The following SYNDIG1 variants were observed in gnomAD, a reference collection of about 807,000 sequenced individuals.
SYNDIG1 encodes synapse differentiation inducing 1, also known as synapse differentiation-inducing gene protein 1.
SYNDIG1 carries 9 observed loss-of-function variants against 19.4 expected under a neutral mutation model. The observed-to-expected ratio is 0.46, with a 90% CI of 0.28 to 0.81. The LOEUF (loss-of-function observed/expected upper bound fraction) is 0.81, where lower values mean the gene tolerates loss of function less well. Among genes scored for constraint, SYNDIG1 ranks in the 30% least tolerant of loss-of-function variants. The pLI, the probability that SYNDIG1 is intolerant of heterozygous loss-of-function variation, is 0.12. For missense variants in SYNDIG1, 311 were observed against 343.3 expected (o/e 0.91, Z 0.74); for synonymous variants, 141 against 145.9 (o/e 0.97, Z 0.24).
intron 1 of SYNDIG1, among the ~76,000 whole-genome samples, chr20:24,528,003 C>T (rs1164921925): frequency 2.0e-5 from 3 of 152,178 alleles, no homozygotes; most frequent in African/African-American, 7.2e-5. Context: ...ATTACTGTTA[C>T]TGTTGATGCC....
chr20:24,474,297 A>G (rs1280517292), intron 1 of SYNDIG1, among the ~76,000 whole-genome samples: 3 of 152,226 alleles, frequency 2.0e-5, no homozygotes, highest in Admixed American at 6.5e-5. Flanking sequence ...ACTGTAAATC[A>G]TCTTAAACTA....
chr20:24,503,863 G>A lies in SYNDIG1; in HGVS notation c.-79+34110G>A, dbSNP rs1239341696. Among the ~76,000 whole-genome samples the A allele has an allele frequency of 2.6e-5, 4 of 151,878 alleles. No homozygotes were observed. In the East Asian group the frequency reaches 5.8e-4, roughly 22 times the overall value. ...ACCCCCAGCGCCTACTGCAGGGTGC[G>A]TACTCGGGCATGACTTGTTGAATGA... is the stretch of plus-strand genomic sequence containing the variant. On this transcript the variant is annotated intron_variant, in intron 1 of 3. Transcript: ENST00000376862.
intron 2 of SYNDIG1, among the ~76,000 whole-genome samples, chr20:24,558,624 C>T (rs981695998): frequency 6.6e-6 from 1 of 152,148 alleles, no homozygotes; most frequent in Non-Finnish European, 1.5e-5. Context: ...CTTCTTCTTA[C>T]TTCTGTTTTT....
At chr20:24,563,661 G>A (rs1185200444) in intron 2 of SYNDIG1, among the ~76,000 whole-genome samples, 2 of 152,142 alleles carry the variant, frequency 1.3e-5, no homozygotes, top group Non-Finnish European at 2.9e-5. Context: ...GAGTGCAGTG[G>A]CACAATCTTG....
chr20:24,486,322 A>T (rs1215848718), intron 1 of SYNDIG1, among the ~76,000 whole-genome samples: 1 of 152,226 alleles, frequency 6.6e-6, no homozygotes, highest in Non-Finnish European at 1.5e-5. Flanking sequence ...CCCTGGGCTG[A>T]TGCCATTGCT....
intron 3 of SYNDIG1, among the ~76,000 whole-genome samples, chr20:24,590,987 G>A (rs529936477): frequency 2.5e-4 from 38 of 152,238 alleles, no homozygotes; most frequent in African/African-American, 7.0e-4. Context: ...AGAGGGGCGC[G>A]GAGGGACTTG....
intron 1 of SYNDIG1, among the ~76,000 whole-genome samples, chr20:24,496,179 T>C (rs1479754836): frequency 6.6e-6 from 1 of 152,194 alleles, no homozygotes; most frequent in Non-Finnish European, 1.5e-5. Context: ...GTTGACTGCA[T>C]GTTTCAGGAG....
At chr20:24,657,629 G>T (rs751245303) in intron 3 of SYNDIG1, among the ~76,000 whole-genome samples, 1 of 152,086 alleles carries the variant, frequency 6.6e-6, no homozygotes, top group Non-Finnish European at 1.5e-5. Context: ...AAATAGACCT[G>T]GGCCTAAATA....
chr20:24,579,316 G>T (rs1447288520), intron 2 of SYNDIG1, among the ~76,000 whole-genome samples: 1 of 152,220 alleles, frequency 6.6e-6, no homozygotes, highest in Non-Finnish European at 1.5e-5. Flanking sequence ...AGCTGCTGAA[G>T]TCTTGCTCTT....
chr20:24,575,159 G>A (rs978595692), intron 2 of SYNDIG1, among the ~76,000 whole-genome samples: 2 of 152,206 alleles, frequency 1.3e-5, no homozygotes, highest in African/African-American at 4.8e-5. Context: ...CCCCATCCCT[G>A]CCTCAAAGAG....
chr20:24,488,627 T>C (rs2146291796), intron 1 of SYNDIG1, among the ~76,000 whole-genome samples: 1 of 152,332 alleles, frequency 6.6e-6, no homozygotes, highest in Non-Finnish European at 1.5e-5. Context: ...TCCCTGGGCA[T>C]CACATTGGCT....
chr20:24,565,546 C>T (rs1026540915), intron 2 of SYNDIG1, among the ~76,000 whole-genome samples: 1 of 152,244 alleles, frequency 6.6e-6, no homozygotes, highest in Admixed American at 6.5e-5. Flanking sequence ...GGGTGTTTCT[C>T]AATGTGGTAG....
At chr20:24,592,152 A>C (rs1298468031) in intron 3 of SYNDIG1, among the ~76,000 whole-genome samples, 2 of 152,238 alleles carry the variant, frequency 1.3e-5, no homozygotes, top group East Asian at 3.8e-4. Flanking sequence ...GAGTAGAAGT[A>C]TAAGTCAAGT....
intron 2 of SYNDIG1, among the ~76,000 whole-genome samples, chr20:24,584,018 CT>C (rs1262397389): frequency 6.6e-6 from 1 of 152,166 alleles, no homozygotes; most frequent in Non-Finnish European, 1.5e-5. Flanking sequence ...ACGTGCACCC[CT>C]GAACCTAAAA....
At chr20:24,522,149 A>T (rs987516920) in intron 1 of SYNDIG1, among the ~76,000 whole-genome samples, 10 of 152,210 alleles carry the variant, frequency 6.6e-5, no homozygotes, top group Admixed American at 6.5e-4. Flanking sequence ...ATCATAGCTC[A>T]CTGCAGCCTC....
chr20:24,548,901 GTTTT>G (rs1356878344), intron 2 of SYNDIG1, among the ~76,000 whole-genome samples: 2 of 151,966 alleles, frequency 1.3e-5, no homozygotes, highest in African/African-American at 4.8e-5. Context: ...TGTTGAAGAG[GTTTT>G]TTATTTTATT....
At position 24,476,438 on chromosome 20, in the gene SYNDIG1, C is replaced by T. The variant is rs891319107; in HGVS notation, c.-79+6685C>T. On this transcript the variant is annotated intron_variant, in intron 1 of 3. Coordinates refer to ENST00000376862, the MANE Select transcript of SYNDIG1 (RefSeq NM_024893.3). ...ATCCCAGCACTTTGGGAGGCTAAGGCGGGCAGATCCCTTGAGGTCAGGAGT... is the reference window on the plus strand; with the variant it reads ...ATCCCAGCACTTTGGGAGGCTAAGGTGGGCAGATCCCTTGAGGTCAGGAGT... Among the ~76,000 whole-genome samples the T allele has an allele frequency of 3.3e-5, 5 of 152,124 alleles. No individual in the cohort carries two copies. The East Asian group carries it at 5.9e-4, about 18-fold the overall frequency.
chr20:24,550,490 A>G (rs938282603), intron 2 of SYNDIG1, among the ~76,000 whole-genome samples: 1 of 147,590 alleles, frequency 6.8e-6, no homozygotes, highest in South Asian at 2.1e-4. Flanking sequence ...TCCTTTAATC[A>G]TGTGGTATAT....
chr20:24,609,254 G>A (rs2058809815), intron 3 of SYNDIG1, among the ~76,000 whole-genome samples: 1 of 152,218 alleles, frequency 6.6e-6, no homozygotes, highest in Non-Finnish European at 1.5e-5. Context: ...ATCCCAGACA[G>A]AGAGCATAGC....
Sources: gnomAD v4.1 joint callset for allele counts (sites outside exome capture counted in the v4.1 genomes callset) on GRCh38, gnomAD v4.1.1 for gene constraint, MANE v1.5 for transcripts, NCBI Gene and HGNC (gene_info 2026-07-23, HGNC 2026-07-21) for gene names.